The following LRMDA variants were observed in gnomAD, a reference collection of about 807,000 sequenced individuals.
The protein encoded by LRMDA is leucine-rich melanocyte differentiation-associated protein.
Under a neutral mutation model 29.8 loss-of-function variants are expected in LRMDA, and 18 were observed. That is an observed-to-expected ratio of 0.60 (90% confidence interval 0.42 to 0.90). The LOEUF (loss-of-function observed/expected upper bound fraction) is 0.90. Ranked by LOEUF, LRMDA falls within the 40% of genes least tolerant of loss-of-function variation. The pLI is 0.00. For synonymous variants in LRMDA, 125 were observed against 109.4 expected, an observed-to-expected ratio of 1.14 and a Z score of -0.89; for missense variants, 273 against 273.9, an observed-to-expected ratio of 1.00 and a Z score of 0.02.
In LRMDA at chr10:75,610,343, C is replaced by A. The variant is rs144056515; in HGVS notation, c.131+171849C>A. ...AGACACACACCACACCTCCCACATC[C>A]CTCACCACAAACACACACCCCACAC... On this transcript the variant is annotated intron_variant, in intron 2 of 6. Transcript: ENST00000611255. Among the ~76,000 whole-genome samples the A allele has an allele frequency of 4.5e-4, 69 of 151,824 alleles. No individual in the cohort carries two copies. The East Asian group carries it at 0.012, about 27-fold the overall frequency.
At chr10:76,243,067 G>A (rs1202316257) in intron 5 of LRMDA, among the ~76,000 whole-genome samples, 1 of 152,130 alleles carries the variant, frequency 6.6e-6, no homozygotes, top group Non-Finnish European at 1.5e-5. Flanking sequence ...AAGCAGTACA[G>A]CCTTAGAGAA....
At chr10:76,338,318 A>C (rs1840994351) in intron 6 of LRMDA, among the ~76,000 whole-genome samples, 2 of 151,958 alleles carry the variant, frequency 1.3e-5, no homozygotes, top group African/African-American at 4.8e-5. Context: ...GAGCCTGTGA[A>C]TAGCCATTGT....
intron 2 of LRMDA, among the ~76,000 whole-genome samples, chr10:76,020,944 A>G (rs1371415981): frequency 3.3e-5 from 5 of 152,128 alleles, no homozygotes; most frequent in South Asian, 2.1e-4. Flanking sequence ...TTTAGAAGTG[A>G]TGTTTTTCAA....
chr10:75,438,204 G>A (rs1199323077), intron 1 of LRMDA, among the ~76,000 whole-genome samples, 190 bp from the exon 2 acceptor site: 2 of 152,224 alleles, frequency 1.3e-5, no homozygotes, highest in Non-Finnish European at 2.9e-5. Flanking sequence ...GGAAAGGGGA[G>A]CTGTTGGTGG....
chr10:75,551,162 CT>C (rs71307703), intron 2 of LRMDA, among the ~76,000 whole-genome samples: 1,550 of 136,064 alleles, frequency 0.011, 5 homozygotes, highest in Admixed American at 0.017. Flanking sequence ...AGTCAGCTAT[CT>C]TTTTTTTTTT....
chr10:75,903,856 C>T (rs536904911), intron 2 of LRMDA, among the ~76,000 whole-genome samples: 1 of 152,194 alleles, frequency 6.6e-6, no homozygotes, highest in African/African-American at 2.4e-5. Flanking sequence ...CTGCTTAGCC[C>T]CTAACTAGTT....
At chr10:76,161,461 G>A (rs945711851) in intron 5 of LRMDA, among the ~76,000 whole-genome samples, 1 of 152,148 alleles carries the variant, frequency 6.6e-6, no homozygotes, top group Admixed American at 6.5e-5. Context: ...TCTTCTTCAC[G>A]TCAGAAATGT....
At chr10:75,920,852 C>T (rs6480795) in intron 2 of LRMDA, among the ~76,000 whole-genome samples, 83,619 of 152,034 alleles carry the variant, frequency 0.55, 23,921 homozygotes, top group South Asian at 0.68. Flanking sequence ...CATAGCTTCG[C>T]GCAGTTGCAG....
chr10:76,094,407 G>A (rs1254626036), intron 5 of LRMDA, among the ~76,000 whole-genome samples: 2 of 151,972 alleles, frequency 1.3e-5, no homozygotes, highest in Admixed American at 6.6e-5. Context: ...AGTATAAATA[G>A]GATTATATTT....
At chr10:76,260,752 C>G (rs1839928313) in intron 5 of LRMDA, 1 of 152,110 alleles carries the variant, frequency 6.6e-6, no homozygotes, top group African/African-American at 2.4e-5. Context: ...GGAAAGTTTT[C>G]AGCTATTACT....
In LRMDA at chr10:75,469,562, C is replaced by T. The variant is rs1350418985; in HGVS notation, c.131+31068C>T. Among the ~76,000 whole-genome samples, 3 of 146,768 alleles carry T rather than the reference C, an allele frequency of 2.0e-5. No homozygotes were observed. The East Asian group carries it at 6.1e-4, about 30-fold the overall frequency. Reference sequence around the variant, plus strand: ...GGTGGGTGTGCAAGTGTTGCACTGGCTGCCCATGTGTGTGAGTGTATGTGC... The same window carrying T: ...GGTGGGTGTGCAAGTGTTGCACTGGTTGCCCATGTGTGTGAGTGTATGTGC... On this transcript the variant is annotated intron_variant, in intron 2 of 6. Coordinates refer to ENST00000611255, the MANE Select transcript of LRMDA (RefSeq NM_001305581.2).
At chr10:75,905,355 T>C (rs1001415118) in intron 2 of LRMDA, among the ~76,000 whole-genome samples, 6 of 152,078 alleles carry the variant, frequency 3.9e-5, no homozygotes, top group South Asian at 4.2e-4. Flanking sequence ...AGACCTAGTG[T>C]TTGACAGAAC....
intron 5 of LRMDA, among the ~76,000 whole-genome samples, chr10:76,175,083 C>T (rs1850908821): frequency 6.6e-6 from 1 of 152,160 alleles, no homozygotes; most frequent in African/African-American, 2.4e-5. Context: ...GATCGCACCA[C>T]TGCACTCTAG....
At chr10:75,748,619 G>A (rs1311933550) in intron 2 of LRMDA, among the ~76,000 whole-genome samples, 6 of 152,050 alleles carry the variant, frequency 3.9e-5, no homozygotes, top group South Asian at 2.1e-4. Flanking sequence ...CATCTAGCTC[G>A]AGATGGTACT....
chr10:76,138,588 C>T (rs953427429), intron 5 of LRMDA, among the ~76,000 whole-genome samples: 1 of 152,094 alleles, frequency 6.6e-6, no homozygotes, highest in African/African-American at 2.4e-5. Flanking sequence ...TTTTGGCATT[C>T]TCTTTGACAG....
At chr10:76,242,419 A>G (rs1431592908) in intron 5 of LRMDA, 1 of 152,260 alleles carries the variant, frequency 6.6e-6, no homozygotes, top group African/African-American at 2.4e-5. Flanking sequence ...TAAAGGTGCC[A>G]GTGGGCCCAG....
chr10:76,348,463 G>A (rs1337494581), intron 6 of LRMDA, among the ~76,000 whole-genome samples: 1 of 152,198 alleles, frequency 6.6e-6, no homozygotes, highest in Non-Finnish European at 1.5e-5. Flanking sequence ...CAAGGGAACT[G>A]GGTAACACCC....
chr10:76,426,584 T>C (rs11001776), intron 6 of LRMDA, among the ~76,000 whole-genome samples: 7,437 of 152,290 alleles, frequency 0.049, 349 homozygotes, highest in Admixed American at 0.14. Flanking sequence ...TTTGTTTTGC[T>C]GTGCAGAAGC....
At chr10:75,549,119 T>C (rs1215514008) in intron 2 of LRMDA, among the ~76,000 whole-genome samples, 1 of 152,166 alleles carries the variant, frequency 6.6e-6, no homozygotes. Flanking sequence ...GCTTTTGAGA[T>C]TCATCCATGT....
Sources: gnomAD v4.1 joint callset for allele counts (sites outside exome capture counted in the v4.1 genomes callset) on GRCh38, gnomAD v4.1.1 for gene constraint, MANE v1.5 for transcripts, NCBI Gene and HGNC (gene_info 2026-07-23, HGNC 2026-07-21) for gene names.